ONECUT2: variants seen among roughly 807,000 people sequenced by gnomAD.
ONECUT2 encodes the protein one cut homeobox 2.
Under a neutral mutation model 27.9 loss-of-function variants are expected in ONECUT2, and 10 were observed. That is an observed-to-expected ratio of 0.36 (90% CI 0.22 to 0.61). The LOEUF (loss-of-function observed/expected upper bound fraction) is 0.61, where lower values mean the gene tolerates loss of function less well. Among genes scored for constraint, ONECUT2 ranks in the 20% least tolerant of loss-of-function variants. ONECUT2 has a pLI of 0.73. For missense variants in ONECUT2, 686 were observed against 721.0 expected (o/e 0.95, Z 0.56); for synonymous variants, 334 against 315.1 (o/e 1.06, Z -0.64).
At chr18:57,469,289 C>A (rs897335412) in intron 1 of ONECUT2, among the ~76,000 whole-genome samples, 12 of 152,214 alleles carry the variant, frequency 7.9e-5, no homozygotes, top group African/African-American at 2.4e-4. Context: ...ACTTTTCAAA[C>A]CTGTATCCTT....
chr18:57,443,817 C>A (rs886302562), intron 1 of ONECUT2, among the ~76,000 whole-genome samples: 2 of 152,168 alleles, frequency 1.3e-5, no homozygotes, highest in Non-Finnish European at 2.9e-5. Flanking sequence ...AACTGTCCCA[C>A]ACAAATTGTC....
intron 1 of ONECUT2, among the ~76,000 whole-genome samples, chr18:57,475,579 C>T (rs1350629193): frequency 6.6e-6 from 1 of 152,144 alleles, no homozygotes; most frequent in African/African-American, 2.4e-5. Flanking sequence ...CTGGTTGCTG[C>T]CTTCTAGGAA....
At chr18:57,447,888 G>A (rs968664634) in intron 1 of ONECUT2, among the ~76,000 whole-genome samples, 1 of 152,162 alleles carries the variant, frequency 6.6e-6, no homozygotes, top group African/African-American at 2.4e-5. Context: ...CTAGTGATGA[G>A]GCTCTTTTTA....
chr18:57,440,341 T>G (rs955475646), intron 1 of ONECUT2, among the ~76,000 whole-genome samples: 14 of 152,130 alleles, frequency 9.2e-5, no homozygotes, highest in Non-Finnish European at 1.6e-4. Context: ...AGGCTAGAAC[T>G]TGCACGGGCA....
chr18:57,463,354 T>C (rs1260455555), intron 1 of ONECUT2, among the ~76,000 whole-genome samples: 1 of 152,216 alleles, frequency 6.6e-6, no homozygotes, highest in Non-Finnish European at 1.5e-5. Flanking sequence ...AAGATCTTGG[T>C]AGTTGAAACA....
intron 1 of ONECUT2, chr18:57,444,507 G>A: frequency 2.2e-6 from 1 of 452,460 alleles, no homozygotes; most frequent in Non-Finnish European, 4.4e-6. Context: ...GTGCCCTTGA[G>A]CATGAAGCTG....
Position 57,436,793 on chromosome 18 carries a change from G to A in ONECUT2, c.1077G>A (p.Arg359=). ...TCCCCCAGGCGATCTTTGCGCAGAG[G>A]GTGCTGTGCCGGTCTCAGGGGACTC... ...YSIPQAIFAQ[R]VLCRSQGTLS... The change falls in exon 1 of 2, where the codon AGG becomes AGA. Residue 359 remains arginine, a synonymous_variant. Transcript: ENST00000491143. The surrounding 1 kb of genome is among the most constrained non-coding windows in gnomAD (Gnocchi z 5.9). The A allele has an allele frequency of 6.2e-7, 1 of 1,614,086 alleles. No individual in the cohort carries two copies. The highest frequency in any genetic ancestry group is 8.5e-7 in the Non-Finnish European group (1 of 1,180,052).
rs555827596 is a variant in ONECUT2, at chr18:57,454,570, G to A, written c.1228+17626G>A. On this transcript the variant is annotated intron_variant, in intron 1 of 1. Transcript: ENST00000491143. The stretch of plus-strand genomic sequence containing the variant: ...GTACAGATTAAATGAGACGCCATAA[G>A]GGTATATGGCACCTGGTACATTGCC... Among the ~76,000 whole-genome samples the A allele has an allele frequency of 2.2e-3, 339 of 152,238 alleles. 1 individual carries two copies. Among genetic ancestry groups the A allele is most frequent in the Middle Eastern group, 6.8e-3 (2 of 294 alleles).
intron 1 of ONECUT2, among the ~76,000 whole-genome samples, chr18:57,442,322 G>T (rs1037030779): frequency 1.3e-5 from 2 of 149,854 alleles, no homozygotes; most frequent in East Asian, 3.9e-4. Context: ...GGTATCAATC[G>T]GGAGGGAAAG....
At chr18:57,463,402 G>C (rs2122133746) in intron 1 of ONECUT2, among the ~76,000 whole-genome samples, 1 of 152,216 alleles carries the variant, frequency 6.6e-6, no homozygotes. Flanking sequence ...ATCTAGAATA[G>C]CTTAACTGTT....
At chr18:57,459,984 C>T (rs1200720316) in intron 1 of ONECUT2, among the ~76,000 whole-genome samples, 3 of 151,954 alleles carry the variant, frequency 2.0e-5, no homozygotes, top group Non-Finnish European at 4.4e-5. Flanking sequence ...ATGCAGAGCC[C>T]CAATCATAGC....
At chr18:57,440,154 C>A (rs1279933385) in intron 1 of ONECUT2, among the ~76,000 whole-genome samples, 1 of 152,282 alleles carries the variant, frequency 6.6e-6, no homozygotes, top group Non-Finnish European at 1.5e-5. Flanking sequence ...GTGGTTGCAA[C>A]CCCGCCCGGT....
chr18:57,461,745 A>C (rs762757750), intron 1 of ONECUT2, among the ~76,000 whole-genome samples: 3 of 152,220 alleles, frequency 2.0e-5, no homozygotes, highest in Admixed American at 6.5e-5. Context: ...TCCCTAATTG[A>C]GGAAATCTCC....
At chr18:57,458,895 CT>C (rs912352707) in intron 1 of ONECUT2, among the ~76,000 whole-genome samples, 1 of 152,072 alleles carries the variant, frequency 6.6e-6, no homozygotes, top group Admixed American at 6.6e-5. Flanking sequence ...AGCCATTTTA[CT>C]TTTTTTTGCA....
rs2050421549 is a variant in ONECUT2, at chr18:57,482,671, T to A, written c.*5948T>A. 1 of 152,218 alleles carries A rather than the reference T, an allele frequency of 6.6e-6. No homozygotes were observed. Among genetic ancestry groups the A allele is most frequent in the Admixed American group, 6.5e-5 (1 of 15,282 alleles). The allele number at this position is 152,218 out of a possible 1,614,324, so 9.4% of individuals were successfully genotyped here. ...TATACAGTCTGTCCGCTTGGATGTA[T>A]ACAAATTTAGATACATATTTTAACA... is the stretch of plus-strand genomic sequence containing the variant. On this transcript the variant is annotated 3_prime_UTR_variant, in exon 2 of 2. Coordinates refer to ENST00000491143, the MANE Select transcript of ONECUT2 (RefSeq NM_004852.3).
At chr18:57,468,993 G>C (rs1033731943) in intron 1 of ONECUT2, among the ~76,000 whole-genome samples, 6 of 152,198 alleles carry the variant, frequency 3.9e-5, no homozygotes, top group Non-Finnish European at 7.3e-5. Context: ...GAGCAGGGAA[G>C]TGAAGGGGGG....
chr18:57,458,991 T>A (rs1210888294), intron 1 of ONECUT2, among the ~76,000 whole-genome samples: 1 of 152,252 alleles, frequency 6.6e-6, no homozygotes, highest in Non-Finnish European at 1.5e-5. Context: ...GATATAATCA[T>A]ATACTTGCTG....
chr18:57,438,576 G>A (rs1568117348), intron 1 of ONECUT2, among the ~76,000 whole-genome samples: 1 of 152,186 alleles, frequency 6.6e-6, no homozygotes, highest in Non-Finnish European at 1.5e-5. Flanking sequence ...TTGGGGAGGG[G>A]GAGTTTCCGC....
Position 57,476,812 on chromosome 18 carries a change from AGCT to A in ONECUT2, c.*91_*93del. On this transcript the variant is annotated 3_prime_UTR_variant, in exon 2 of 2. Coordinates refer to ENST00000491143, the MANE Select transcript of ONECUT2 (RefSeq NM_004852.3). ...CAAAGGAAAAAGACACCGGATTCCT[AGCT>A]GGGGCCCTTCACTGGTGATTTGAAA... is the stretch of plus-strand genomic sequence containing the variant. 1 of 1,419,616 alleles carries A rather than the reference AGCT, an allele frequency of 7.0e-7. No individual in the cohort carries two copies. The allele number at this position is 1,419,616 out of a possible 1,614,324, so 87.9% of individuals were successfully genotyped here. A position where few individuals can be genotyped will look rare whatever the true frequency, so the allele number is the denominator to read the frequency against.
Sources: gnomAD v4.1 joint callset for allele counts (sites outside exome capture counted in the v4.1 genomes callset) on GRCh38, gnomAD v4.1.1 for gene constraint, Gnocchi (gnomAD v3.1) non-coding constraint, MANE v1.5 for transcripts, NCBI Gene and HGNC (gene_info 2026-07-23, HGNC 2026-07-21) for gene names.